The following TIMP2 variants were observed in gnomAD, a reference collection of about 807,000 sequenced individuals.
TIMP2 encodes metalloproteinase inhibitor 2.
In TIMP2, 5 loss-of-function variants were observed where a neutral mutation model predicts 24.3. That is an observed-to-expected ratio of 0.21 (90% CI 0.11 to 0.43). The LOEUF (loss-of-function observed/expected upper bound fraction) is 0.43, where lower values mean the gene tolerates loss of function less well. TIMP2 is among the 20% of genes least tolerant of loss of function. The pLI, the probability that TIMP2 is intolerant of heterozygous loss-of-function variation, is 1.00. For missense variants in TIMP2, 221 were observed against 297.5 expected, an observed-to-expected ratio of 0.74 and a Z score of 1.89; for synonymous variants, 130 against 123.2, an observed-to-expected ratio of 1.06 and a Z score of -0.37.
At chr17:78,860,785 C>T (rs895021674) in intron 3 of TIMP2, among the ~76,000 whole-genome samples, 2 of 152,052 alleles carry the variant, frequency 1.3e-5, no homozygotes, top group Admixed American at 1.3e-4. Context: ...CCTGTAATCC[C>T]AGCACTTTAG....
chr17:78,871,045 G>T (rs995578590), intron 2 of TIMP2, 39 bp from the exon 3 acceptor site: 4 of 1,557,350 alleles, frequency 2.6e-6, no homozygotes, highest in Non-Finnish European at 3.5e-6. Flanking sequence ...GCAGAGGGAG[G>T]CCACACAGTT....
At chr17:78,918,080 A>G (rs1348769996) in intron 1 of TIMP2, among the ~76,000 whole-genome samples, 2 of 150,732 alleles carry the variant, frequency 1.3e-5, no homozygotes, top group East Asian at 3.9e-4. Context: ...ACACACACAC[A>G]CACACACACA....
rs944190685 is a variant in TIMP2, at chr17:78,853,483, G to A, written c.*2184C>T. 1 of 152,166 alleles carries A rather than the reference G, an allele frequency of 6.6e-6. No homozygotes were observed. The highest frequency in any genetic ancestry group is 2.4e-5 in the African/African-American group (1 of 41,398). 9.4% of individuals were successfully genotyped at this position (152,166 alleles called of 1,614,324 possible). ...TGCTCAGCACGGTTAAAAGACCAAC[G>A]TGTGTGGATCAAATATAAAGGCCAC... On this transcript the variant is annotated 3_prime_UTR_variant, in exon 5 of 5. Transcript: ENST00000262768.
intron 1 of TIMP2, among the ~76,000 whole-genome samples, chr17:78,901,531 CA>C (rs2145784762): frequency 6.6e-6 from 1 of 151,974 alleles, no homozygotes; most frequent in African/African-American, 2.4e-5. Context: ...GCCCACTGAC[CA>C]AAGGTCCTAG....
intron 1 of TIMP2, among the ~76,000 whole-genome samples, chr17:78,885,568 G>A (rs538011200): frequency 3.8e-4 from 58 of 152,310 alleles, no homozygotes; most frequent in South Asian, 1.7e-3. Flanking sequence ...GCCCTATGAG[G>A]TGCCTGGCAC....
In TIMP2 at chr17:78,925,105, GGGCGGGCGGGGGCCGCCGC is replaced by G; in HGVS notation, c.-36_-18del. On this transcript the variant is annotated 5_prime_UTR_variant, in exon 1 of 5. Transcript: ENST00000262768. ...GGCGCCCATGGCGGGCCGGGGGGCT[GGGCGGGCGGGGGCCGCCGC>G]TGGGGGGTCCGGGCGCTGCTCGCGG... 1 of 908,252 alleles carries G rather than the reference GGGCGGGCGGGGGCCGCCGC, an allele frequency of 1.1e-6. No homozygotes were observed. The highest frequency in any genetic ancestry group is 1.3e-6 in the Non-Finnish European group (1 of 761,706). The allele number at this position is 908,252 out of a possible 1,614,324, so 56.3% of individuals were successfully genotyped here. A position where few individuals can be genotyped will look rare whatever the true frequency, so the allele number is the denominator to read the frequency against.
intron 1 of TIMP2, among the ~76,000 whole-genome samples, chr17:78,918,650 G>A (rs983440893): frequency 2.0e-5 from 3 of 152,058 alleles, no homozygotes; most frequent in African/African-American, 4.8e-5. Context: ...TCAGACCCAC[G>A]GGCAACAAAA....
Position 78,896,836 on chromosome 17 carries a change from C to G in TIMP2, c.131-22917G>C. Reference sequence around the variant, plus strand: ...CTCTTGCTCTCTACAGCCCCGTGGCCCCAGCGCAGGAGCCAGCCCATGGCA... The same window carrying G: ...CTCTTGCTCTCTACAGCCCCGTGGCGCCAGCGCAGGAGCCAGCCCATGGCA... On this transcript the variant is annotated intron_variant, in intron 1 of 4. Coordinates refer to ENST00000262768, the MANE Select transcript of TIMP2 (RefSeq NM_003255.5). This position sits in a 1 kb window ranked among gnomAD's most constrained non-coding sequence, Gnocchi z 4.4. The G allele has an allele frequency of 1.3e-6, 1 of 766,604 alleles. No homozygotes were observed. The highest frequency in any genetic ancestry group is 1.6e-6 in the Non-Finnish European group (1 of 630,274). The allele number at this position is 766,604 out of a possible 1,614,324, so 47.5% of individuals were successfully genotyped here.
At chr17:78,911,100 C>T (rs2070203014) in intron 1 of TIMP2, among the ~76,000 whole-genome samples, 1 of 152,194 alleles carries the variant, frequency 6.6e-6, no homozygotes, top group African/African-American at 2.4e-5. Context: ...CTTTTCTCCC[C>T]TTCCTTGCCT....
At chr17:78,919,931 G>C (rs2145797746) in intron 1 of TIMP2, among the ~76,000 whole-genome samples, 1 of 152,294 alleles carries the variant, frequency 6.6e-6, no homozygotes, top group South Asian at 2.1e-4. Flanking sequence ...GGGACAGAGA[G>C]AGTGTCCAGG....
At chr17:78,867,204 A>T (rs1272733597) in intron 3 of TIMP2, among the ~76,000 whole-genome samples, 2 of 152,184 alleles carry the variant, frequency 1.3e-5, no homozygotes, top group East Asian at 3.8e-4. Context: ...GCTGTGAGCC[A>T]AGATCACACC....
chr17:78,866,101 A>G (rs1459173196), intron 3 of TIMP2, among the ~76,000 whole-genome samples: 1 of 152,206 alleles, frequency 6.6e-6, no homozygotes, highest in Non-Finnish European at 1.5e-5. Flanking sequence ...TTCTGATGAC[A>G]AACGTAATAA....
At chr17:78,890,948 G>A (rs752406666) in intron 1 of TIMP2, 3 of 1,551,020 alleles carry the variant, frequency 1.9e-6, no homozygotes, top group East Asian at 2.4e-5. Flanking sequence ...TTGTTCAAGC[G>A]ATTCCAGTTG....
chr17:78,918,436 G>A (rs944792880), intron 1 of TIMP2, among the ~76,000 whole-genome samples: 5 of 152,152 alleles, frequency 3.3e-5, no homozygotes, highest in Admixed American at 6.5e-5. Flanking sequence ...AGGCTGCAGG[G>A]GTCCAGGCAG....
At position 78,925,104 on chromosome 17, in the gene TIMP2, TGGGC is replaced by T; in HGVS notation, c.-20_-17del. The T allele has an allele frequency of 7.6e-4, 7 of 9,204 alleles. No individual in the cohort carries two copies. Among genetic ancestry groups the T allele is most frequent in the South Asian group, 2.6e-3 (1 of 380 alleles). 0.6% of individuals were successfully genotyped at this position (9,204 alleles called of 1,614,324 possible). The stretch of plus-strand genomic sequence containing the variant: ...CGGCGCCCATGGCGGGCCGGGGGGC[TGGGC>T]GGGCGGGGGCCGCCGCTGGGGGGTC... On this transcript the variant is annotated 5_prime_UTR_variant, in exon 1 of 5. Coordinates refer to ENST00000262768, the MANE Select transcript of TIMP2 (RefSeq NM_003255.5).
intron 1 of TIMP2, among the ~76,000 whole-genome samples, chr17:78,909,941 G>C (rs1486528651): frequency 6.6e-6 from 1 of 152,128 alleles, no homozygotes; most frequent in Non-Finnish European, 1.5e-5. Context: ...CTAGTACTGG[G>C]ACCCGGTGTG....
At chr17:78,873,734 T>C in intron 2 of TIMP2, 85 bp downstream of exon 2, 1 of 1,125,000 alleles carries the variant, frequency 8.9e-7, no homozygotes, top group Non-Finnish European at 1.3e-6. Flanking sequence ...CCAGATCGTG[T>C]TCCAGGGACC....
At chr17:78,897,722 A>G (rs1054057154) in intron 1 of TIMP2, 1 of 152,214 alleles carries the variant, frequency 6.6e-6, no homozygotes, top group Admixed American at 6.5e-5. Context: ...TCTCCTCCTC[A>G]AGGCATGAAC....
chr17:78,900,200 T>C lies in TIMP2; in HGVS notation c.130+24759A>G, dbSNP rs183996945. 3 of 152,224 alleles carry C rather than the reference T, an allele frequency of 2.0e-5. No individual in the cohort carries two copies. In the South Asian group the frequency reaches 6.2e-4, roughly 32 times the overall value. 9.4% of individuals were successfully genotyped at this position (152,224 alleles called of 1,614,324 possible). A position where few individuals can be genotyped will look rare whatever the true frequency, so the allele number is the denominator to read the frequency against. On this transcript the variant is annotated intron_variant, in intron 1 of 4. Coordinates refer to ENST00000262768, the MANE Select transcript of TIMP2 (RefSeq NM_003255.5). Reference sequence around the variant, plus strand: ...TTTTTAGAGCTTCCTGTGTCCTCCCTTCCCTGGTCATAACTGTCTGACAGC... The same window carrying C: ...TTTTTAGAGCTTCCTGTGTCCTCCCCTCCCTGGTCATAACTGTCTGACAGC...
Sources: gnomAD v4.1 joint callset for allele counts (sites outside exome capture counted in the v4.1 genomes callset) on GRCh38, gnomAD v4.1.1 for gene constraint, Gnocchi (gnomAD v3.1) non-coding constraint, MANE v1.5 for transcripts, NCBI Gene and HGNC (gene_info 2026-07-23, HGNC 2026-07-21) for gene names.